Variants in NTRK3 observed in about 807,000 individuals in gnomAD.
The protein encoded by NTRK3 is neurotrophic receptor tyrosine kinase 3.
In NTRK3, 24 loss-of-function variants were observed where a neutral mutation model predicts 91.7. The observed-to-expected ratio is 0.26, with a 90% CI of 0.19 to 0.37. The LOEUF is 0.37. NTRK3 is among the 10% of genes least tolerant of loss of function. NTRK3 has a pLI of 1.00. For missense variants in NTRK3, 880 were observed against 1,068.9 expected (o/e 0.82, Z 2.46); for synonymous variants, 483 against 404.0 (o/e 1.20, Z -2.34).
intron 6 of NTRK3, among the ~76,000 whole-genome samples, chr15:88,145,209 T>C (rs1179341177): frequency 6.6e-6 from 1 of 152,038 alleles, no homozygotes; most frequent in East Asian, 1.9e-4. Context: ...GGAACTGGGA[T>C]TGTTTGGATT....
intron 14 of NTRK3, among the ~76,000 whole-genome samples, chr15:87,946,506 C>T (rs28453357): frequency 0.081 from 12,303 of 152,142 alleles, 1,597 homozygotes; most frequent in African/African-American, 0.27. Context: ...TTGGGGACCA[C>T]GTGTGTGGAC....
chr15:87,879,537 C>T (rs953937958), intron 18 of NTRK3, among the ~76,000 whole-genome samples: 1 of 152,182 alleles, frequency 6.6e-6, no homozygotes, highest in Non-Finnish European at 1.5e-5. Context: ...ATTTCAGTAC[C>T]TCAAGCAGAC....
chr15:87,989,101 C>T lies in NTRK3; in HGVS notation c.1585+43756G>A, dbSNP rs560808336. ...ATTGTGGAAGACAGTGTGGCAATTCCTCAAGGATCTAGAACTAGAGATACC... is the reference window on the plus strand; with the variant it reads ...ATTGTGGAAGACAGTGTGGCAATTCTTCAAGGATCTAGAACTAGAGATACC... On this transcript the variant is annotated intron_variant, in intron 14 of 18. Coordinates refer to ENST00000394480, the Ensembl canonical transcript of NTRK3. Among the ~76,000 whole-genome samples the T allele has an allele frequency of 1.8e-4, 27 of 152,232 alleles. No homozygotes were observed. The South Asian group carries it at 5.4e-3, about 30-fold the overall frequency.
chr15:88,235,411 C>T lies in NTRK3; in HGVS notation c.248+20495G>A, dbSNP rs1314284993. ...CACTGGTCTCGGCCTTCCCGGAACCCACATCTGAGCACTCAGCAAGCAGGA... is the reference window on the plus strand; with the variant it reads ...CACTGGTCTCGGCCTTCCCGGAACCTACATCTGAGCACTCAGCAAGCAGGA... On this transcript the variant is annotated intron_variant, in intron 3 of 18. Transcript: ENST00000394480. The surrounding 1 kb of genome is among the most constrained non-coding windows in gnomAD (Gnocchi z 5.2). Among the ~76,000 whole-genome samples, 6 of 152,202 alleles carry T rather than the reference C, an allele frequency of 3.9e-5. No homozygotes were observed. The highest frequency in any genetic ancestry group is 1.4e-4 in the African/African-American group (6 of 41,456).
At chr15:88,061,867 G>C (rs1386074039) in intron 13 of NTRK3, among the ~76,000 whole-genome samples, 1 of 152,198 alleles carries the variant, frequency 6.6e-6, no homozygotes, top group African/African-American at 2.4e-5. Flanking sequence ...TGTGGCCTCA[G>C]TTTCCTTTCT....
chr15:88,220,352 C>T (rs1040829541), intron 3 of NTRK3, among the ~76,000 whole-genome samples: 14 of 152,084 alleles, frequency 9.2e-5, no homozygotes, highest in African/African-American at 2.7e-4. Flanking sequence ...GAAGAATGAC[C>T]GAAACCTCAA....
chr15:88,011,806 C>T (rs2076902303), intron 14 of NTRK3, among the ~76,000 whole-genome samples: 2 of 152,192 alleles, frequency 1.3e-5, no homozygotes, highest in Non-Finnish European at 2.9e-5. Flanking sequence ...CCTTCGCCTG[C>T]CACTGGGGTG....
chr15:88,057,510 A>C (rs2045827815), intron 13 of NTRK3, among the ~76,000 whole-genome samples: 1 of 152,098 alleles, frequency 6.6e-6, no homozygotes, highest in African/African-American at 2.4e-5. Context: ...AAGAAAAAAA[A>C]AAAAGAAAGA....
intron 13 of NTRK3, among the ~76,000 whole-genome samples, chr15:88,051,286 T>C (rs1399488721): frequency 6.6e-6 from 1 of 152,206 alleles, no homozygotes; most frequent in Non-Finnish European, 1.5e-5. Flanking sequence ...TTCTTGAACC[T>C]AACTCTCCCT....
intron 14 of NTRK3, among the ~76,000 whole-genome samples, chr15:87,948,278 A>C (rs1326224891): frequency 6.6e-6 from 1 of 152,212 alleles, no homozygotes. Flanking sequence ...AGACTAGGAG[A>C]AAAAAGAGGA....
intron 5 of NTRK3, among the ~76,000 whole-genome samples, chr15:88,180,440 C>T (rs2046353211): frequency 1.3e-5 from 2 of 152,128 alleles, no homozygotes; most frequent in Non-Finnish European, 2.9e-5. Flanking sequence ...TGACGTAAGG[C>T]CCAAGAGTCC....
intron 5 of NTRK3, among the ~76,000 whole-genome samples, chr15:88,163,842 C>G (rs1200821817): frequency 1.3e-5 from 2 of 152,182 alleles, no homozygotes; most frequent in Non-Finnish European, 2.9e-5. Flanking sequence ...CCCTTCCATT[C>G]TCCAAAGTGT....
intron 5 of NTRK3, 111 bp from the exon 6 acceptor site, chr15:88,147,514 T>TCTC: frequency 3.4e-6 from 1 of 297,414 alleles, no homozygotes; most frequent in Non-Finnish European, 5.4e-6. Flanking sequence ...TCCTTCTTCT[T>TCTC]CTTCTTCTTC....
intron 15 of NTRK3, among the ~76,000 whole-genome samples, chr15:87,934,187 A>C (rs1020033416): frequency 6.6e-6 from 1 of 152,174 alleles, no homozygotes; most frequent in Admixed American, 6.5e-5. Context: ...CCCTTTCTGC[A>C]TGAGGAGCAG....
In NTRK3 at chr15:88,011,215, G is replaced by T. The variant is rs2076856758; in HGVS notation, c.1585+21642C>A. On this transcript the variant is annotated intron_variant, in intron 14 of 18. Transcript: ENST00000394480. Reference sequence around the variant, plus strand: ...CCCCAGAAAACACCTCCACACCTTTGTATCTGTTGTTCCCTCCACCAGGTC... The same window carrying T: ...CCCCAGAAAACACCTCCACACCTTTTTATCTGTTGTTCCCTCCACCAGGTC... 2.0e-5 allele frequency among the ~76,000 whole-genome samples: 3 copies of T among 152,222 alleles called. No homozygotes were observed. In the South Asian group the frequency reaches 6.2e-4, roughly 32 times the overall value.
intron 13 of NTRK3, among the ~76,000 whole-genome samples, chr15:88,081,605 C>T (rs765517931): frequency 3.9e-5 from 6 of 152,220 alleles, no homozygotes; most frequent in Non-Finnish European, 5.9e-5. Flanking sequence ...CCCTCTGAAT[C>T]GGAAAGGGTA....
chr15:87,962,392 G>A (rs937125548), intron 14 of NTRK3, among the ~76,000 whole-genome samples: 1 of 152,178 alleles, frequency 6.6e-6, no homozygotes, highest in African/African-American at 2.4e-5. Flanking sequence ...CCCCTAGAAA[G>A]ACACTAAAGA....
exon 2 of NTRK3, chr15:88,256,336 G>A: frequency 1.5e-6 from 1 of 645,892 alleles, no homozygotes; most frequent in Non-Finnish European, 2.8e-6. Context: ...TGAAACCATC[G>A]CGGACGCCGC....
At chr15:88,205,592 C>T (rs961939278) in intron 3 of NTRK3, among the ~76,000 whole-genome samples, 5 of 152,180 alleles carry the variant, frequency 3.3e-5, no homozygotes, top group African/African-American at 1.2e-4. Flanking sequence ...ATTTCCTGAG[C>T]ACTGAAAGGT....
Sources: allele counts gnomAD v4.1 joint callset (sites outside exome capture counted in the v4.1 genomes callset), GRCh38; gene constraint gnomAD v4.1.1; non-coding constraint Gnocchi (gnomAD v3.1); transcripts MANE v1.5; gene names NCBI Gene and HGNC (gene_info 2026-07-23, HGNC 2026-07-21).